The following AGFG1 variants were observed in gnomAD, a reference collection of about 807,000 sequenced individuals.
AGFG1 encodes arf-GAP domain and FG repeat-containing protein 1.
Under a neutral mutation model 60.6 loss-of-function variants are expected in AGFG1, and 10 were observed. The observed-to-expected ratio is 0.16, with a 90% confidence interval of 0.10 to 0.28. The LOEUF (loss-of-function observed/expected upper bound fraction) is 0.28. AGFG1 is among the 10% of genes least tolerant of loss of function. The probability of loss-of-function intolerance (pLI) is 1.00; values close to 1 mark genes in which losing one functional copy is unlikely to be tolerated. For missense variants in AGFG1, 537 were observed against 676.5 expected, an observed-to-expected ratio of 0.79 and a Z score of 2.29; for synonymous variants, 247 against 242.9, an observed-to-expected ratio of 1.02 and a Z score of -0.16.
Position 227,555,348 on chromosome 2 carries a change from C to A in AGFG1, c.*853C>A, listed in dbSNP as rs916041985. 3 of 152,516 alleles carry A rather than the reference C, an allele frequency of 2.0e-5. No individual in the cohort carries two copies. Among genetic ancestry groups the A allele is most frequent in the Admixed American group, 1.3e-4 (2 of 15,280 alleles). The allele number at this position is 152,516 out of a possible 1,614,324, so 9.4% of individuals were successfully genotyped here. ...AGATTTACCATAATCCTACTAATTTCTTTGCAGCTTATTAATTTTGTGAAA... is the reference window on the plus strand; with the variant it reads ...AGATTTACCATAATCCTACTAATTTATTTGCAGCTTATTAATTTTGTGAAA... On this transcript the variant is annotated 3_prime_UTR_variant, in exon 13 of 13. Coordinates refer to ENST00000310078, the MANE Select transcript of AGFG1 (RefSeq NM_004504.5).
chr2:227,492,836 A>G (rs1210308707), intron 2 of AGFG1, among the ~76,000 whole-genome samples: 1 of 152,118 alleles, frequency 6.6e-6, no homozygotes, highest in Non-Finnish European at 1.5e-5. Context: ...AATGAAGAGT[A>G]AGCATAGAAT....
chr2:227,481,094 T>A (rs1690443814), intron 1 of AGFG1, among the ~76,000 whole-genome samples: 1 of 137,198 alleles, frequency 7.3e-6, no homozygotes. Context: ...GTTCAGTGTT[T>A]TAGGCTTTTT....
chr2:227,545,321 G>A (rs573901086), intron 10 of AGFG1, among the ~76,000 whole-genome samples: 1 of 152,182 alleles, frequency 6.6e-6, no homozygotes, highest in Admixed American at 6.5e-5. Flanking sequence ...GGTCATTTAA[G>A]ATCTTCCCTA....
At chr2:227,536,517 C>A in intron 8 of AGFG1, 108 bp from the exon 9 acceptor site, 1 of 804,710 alleles carries the variant, frequency 1.2e-6, no homozygotes, top group Non-Finnish European at 2.1e-6. Flanking sequence ...TGTGTTGATA[C>A]TGATGCTGTG....
chr2:227,535,576 A>T (rs1221018267), intron 8 of AGFG1, among the ~76,000 whole-genome samples: 1 of 152,224 alleles, frequency 6.6e-6, no homozygotes, highest in Admixed American at 6.5e-5. Flanking sequence ...AGGACATTAC[A>T]CTTGTAAAAA....
intron 2 of AGFG1, among the ~76,000 whole-genome samples, chr2:227,510,564 A>G (rs745429180): frequency 1.5e-4 from 23 of 152,178 alleles, no homozygotes; most frequent in Non-Finnish European, 2.5e-4. Context: ...CTTAGGAGAT[A>G]GGCACTCAGA....
intron 1 of AGFG1, among the ~76,000 whole-genome samples, chr2:227,485,623 T>C (rs1690610409): frequency 6.6e-6 from 1 of 152,162 alleles, no homozygotes; most frequent in South Asian, 2.1e-4. Flanking sequence ...TTATTGGATC[T>C]GAAAAAAATC....
intron 10 of AGFG1, among the ~76,000 whole-genome samples, chr2:227,538,993 A>C (rs1447626757): frequency 6.6e-6 from 1 of 152,228 alleles, no homozygotes; most frequent in East Asian, 1.9e-4. Context: ...TTATTAGATT[A>C]TTATTGAATT....
chr2:227,523,947 G>A, intron 4 of AGFG1, 22 bp downstream of exon 4: 1 of 1,593,086 alleles, frequency 6.3e-7, no homozygotes, highest in Non-Finnish European at 8.6e-7. Flanking sequence ...TTGAATCTTT[G>A]TAGGGAATTC....
At chr2:227,525,576 C>T (rs922011085) in intron 5 of AGFG1, among the ~76,000 whole-genome samples, 2 of 152,210 alleles carry the variant, frequency 1.3e-5, no homozygotes, top group African/African-American at 4.8e-5. Flanking sequence ...TCTCTTAGTT[C>T]ATAAGATTTT....
Position 227,554,503 on chromosome 2 carries a change from T to A in AGFG1, c.*8T>A, listed in dbSNP as rs773762961. 6.2e-7 allele frequency: 1 copy of A among 1,611,534 alleles called. No homozygotes were observed. Among genetic ancestry groups the A allele is most frequent in the Admixed American group, 1.7e-5 (1 of 59,650 alleles). On this transcript the variant is annotated 3_prime_UTR_variant, in exon 13 of 13. Transcript: ENST00000310078. ...ACCAATCCTTTCTTATAGCCTTATATAGACAATTTACTGGAACGAACTTTT... is the reference window on the plus strand; with the variant it reads ...ACCAATCCTTTCTTATAGCCTTATAAAGACAATTTACTGGAACGAACTTTT...
chr2:227,485,483 G>C (rs1028039714), intron 1 of AGFG1, among the ~76,000 whole-genome samples: 1 of 149,852 alleles, frequency 6.7e-6, no homozygotes, highest in African/African-American at 2.5e-5. Context: ...TGATCCACCT[G>C]CCTCAGCCTC....
intron 11 of AGFG1, 32 bp from the exon 12 acceptor site, chr2:227,553,672 T>G: frequency 6.5e-7 from 1 of 1,539,952 alleles, no homozygotes; most frequent in Non-Finnish European, 9.0e-7. Context: ...CTTGAAGGTA[T>G]GGGTTATAAT....
chr2:227,544,940 C>T (rs1007636485), intron 10 of AGFG1, among the ~76,000 whole-genome samples: 8 of 152,148 alleles, frequency 5.3e-5, no homozygotes, highest in South Asian at 4.2e-4. Context: ...TGTATCTTGG[C>T]GTTGCTGTTC....
intron 10 of AGFG1, among the ~76,000 whole-genome samples, chr2:227,546,693 G>A (rs1559200019): frequency 6.6e-6 from 1 of 152,182 alleles, no homozygotes; most frequent in East Asian, 1.9e-4. Flanking sequence ...TTAGCCTATT[G>A]TGGCCTAATT....
At position 227,518,544 on chromosome 2, in the gene AGFG1, A is replaced by G. The variant is rs371551741; in HGVS notation, c.262-1404A>G. ...TTTTTTTTTTTTTTTTTTTTTAAAG[A>G]CAGAGTTTTGCTCTTGTCGCCCAGG... is the stretch of plus-strand genomic sequence containing the variant. On this transcript the variant is annotated intron_variant, in intron 2 of 12. Coordinates refer to ENST00000310078, the MANE Select transcript of AGFG1 (RefSeq NM_004504.5). Among the ~76,000 whole-genome samples, 210 of 138,902 alleles carry G rather than the reference A, an allele frequency of 1.5e-3. 3 individuals carry two copies. Among genetic ancestry groups the G allele is most frequent in the African/African-American group, 5.3e-3 (196 of 36,760 alleles). 91.1% of individuals were successfully genotyped at this position (138,902 alleles called of 152,430 possible).
At position 227,500,490 on chromosome 2, in the gene AGFG1, T is replaced by C. The variant is rs184509895; in HGVS notation, c.261+8850T>C. ...TGCTACATTGTCTCTCAGAACCTGCTGTCCTAGGTAGCTACAGCAAGACTC... is the reference window on the plus strand; with the variant it reads ...TGCTACATTGTCTCTCAGAACCTGCCGTCCTAGGTAGCTACAGCAAGACTC... On this transcript the variant is annotated intron_variant, in intron 2 of 12. Coordinates refer to ENST00000310078, the MANE Select transcript of AGFG1 (RefSeq NM_004504.5). Among the ~76,000 whole-genome samples, 481 of 152,332 alleles carry C rather than the reference T, an allele frequency of 3.2e-3. 2 individuals carry two copies. Among genetic ancestry groups the C allele is most frequent in the Admixed American group, 5.9e-3 (90 of 15,300 alleles).
chr2:227,492,315 AT>A (rs891644623), intron 2 of AGFG1, among the ~76,000 whole-genome samples: 2 of 151,942 alleles, frequency 1.3e-5, no homozygotes, highest in African/African-American at 4.8e-5. Context: ...GAGAGTGGGC[AT>A]TTTTTTATAA....
At chr2:227,474,432 C>T (rs1401455206) in intron 1 of AGFG1, among the ~76,000 whole-genome samples, 1 of 152,162 alleles carries the variant, frequency 6.6e-6, no homozygotes, top group Admixed American at 6.5e-5. Context: ...TTTCAAATTT[C>T]TTCCTAGATA....
Sources: gnomAD v4.1 joint callset for allele counts (sites outside exome capture counted in the v4.1 genomes callset) on GRCh38, gnomAD v4.1.1 for gene constraint, MANE v1.5 for transcripts, NCBI Gene and HGNC (gene_info 2026-07-23, HGNC 2026-07-21) for gene names.